ANKS1B: variants seen among roughly 807,000 people sequenced by gnomAD.
ANKS1B encodes the protein ankyrin repeat and sterile alpha motif domain containing 1B.
In ANKS1B, 36 loss-of-function variants were observed where a neutral mutation model predicts 148.3. That is an observed-to-expected ratio of 0.24 (90% confidence interval 0.19 to 0.32). The LOEUF (loss-of-function observed/expected upper bound fraction) is 0.32. Ranked by LOEUF, ANKS1B falls within the 10% of genes least tolerant of loss-of-function variation. ANKS1B has a pLI of 1.00. For missense variants in ANKS1B, 1,157 were observed against 1,542.6 expected (o/e 0.75, Z 4.19); for synonymous variants, 542 against 560.8 (o/e 0.97, Z 0.47).
In ANKS1B at chr12:99,320,695, T is replaced by C. The variant is rs187660305; in HGVS notation, c.1757-73831A>G. On this transcript the variant is annotated intron_variant, in intron 12 of 26. Transcript: ENST00000683438. ...ACTGATCATCTGAAGCCTTCTTCTC[T>C]CAACTCATCAAAGTCATTTTCCGTT... Among the ~76,000 whole-genome samples the C allele has an allele frequency of 4.0e-3, 610 of 152,326 alleles. 4 individuals are homozygous for C. Among genetic ancestry groups the C allele is most frequent in the African/African-American group, 0.014 (580 of 41,580 alleles).
intron 12 of ANKS1B, among the ~76,000 whole-genome samples, chr12:99,378,483 G>A (rs568430136): frequency 2.9e-4 from 44 of 151,868 alleles, no homozygotes; most frequent in African/African-American, 1.0e-3. Context: ...GTGAAACCCT[G>A]CCTCTACTAA....
At chr12:99,677,999 G>T (rs1427116952) in intron 8 of ANKS1B, among the ~76,000 whole-genome samples, 1 of 152,048 alleles carries the variant, frequency 6.6e-6, no homozygotes, top group African/African-American at 2.4e-5. Flanking sequence ...TCAGTTAAAA[G>T]ATACCCACTA....
At chr12:99,016,263 T>C (rs896527761) in intron 17 of ANKS1B, among the ~76,000 whole-genome samples, 7 of 152,216 alleles carry the variant, frequency 4.6e-5, no homozygotes, top group African/African-American at 1.7e-4. Flanking sequence ...ATGCCATTAT[T>C]TTTTTCTTCT....
chr12:98,968,281 A>G (rs2099880279), intron 17 of ANKS1B, among the ~76,000 whole-genome samples: 2 of 152,132 alleles, frequency 1.3e-5, no homozygotes, highest in Admixed American at 1.3e-4. Flanking sequence ...TAATTCGCAG[A>G]CCAGCACACG....
intron 12 of ANKS1B, among the ~76,000 whole-genome samples, chr12:99,366,892 G>A (rs936565938): frequency 1.3e-5 from 2 of 151,918 alleles, no homozygotes; most frequent in African/African-American, 2.4e-5. Context: ...CAAAATCAGA[G>A]GACAAATCAC....
In ANKS1B at chr12:98,817,501, C is replaced by T. The variant is rs117133310; in HGVS notation, c.3067-9583G>A. Among the ~76,000 whole-genome samples the T allele has an allele frequency of 4.8e-3, 726 of 152,306 alleles. 6 individuals carry two copies. The highest frequency in any genetic ancestry group is 9.8e-3 in the South Asian group (47 of 4,818). On this transcript the variant is annotated intron_variant, in intron 19 of 26. Coordinates refer to ENST00000683438, the MANE Select transcript of ANKS1B (RefSeq NM_001352186.2). ...TGTTTCTTGTGAGTTACCCAGAGGCCGCAGGCCAGCATCTGATTACTTCTT... is the reference window on the plus strand; with the variant it reads ...TGTTTCTTGTGAGTTACCCAGAGGCTGCAGGCCAGCATCTGATTACTTCTT...
chr12:99,645,508 C>T (rs2098353232), intron 9 of ANKS1B, among the ~76,000 whole-genome samples: 1 of 152,024 alleles, frequency 6.6e-6, no homozygotes, highest in South Asian at 2.1e-4. Context: ...CATTTCAAGG[C>T]TGAGAAAAAT....
At chr12:99,515,590 A>G (rs7298711) in intron 9 of ANKS1B, among the ~76,000 whole-genome samples, 22,006 of 151,864 alleles carry the variant, frequency 0.14, 3,896 homozygotes, top group African/African-American at 0.43. Flanking sequence ...GGACACTTAG[A>G]TTGCTTCCAA....
At chr12:99,126,415 G>C (rs1235113638) in intron 15 of ANKS1B, among the ~76,000 whole-genome samples, 3 of 152,108 alleles carry the variant, frequency 2.0e-5, no homozygotes, top group Non-Finnish European at 2.9e-5. Context: ...TTTAAGTCTA[G>C]TATTTCAATT....
chr12:99,532,797 T>C (rs1596477153), intron 9 of ANKS1B, among the ~76,000 whole-genome samples: 2 of 152,358 alleles, frequency 1.3e-5, no homozygotes, highest in Admixed American at 6.5e-5. Context: ...CCCCAGTGCA[T>C]GTTTTTGTCT....
chr12:99,196,040 A>G (rs991673611), intron 14 of ANKS1B, among the ~76,000 whole-genome samples: 3 of 152,130 alleles, frequency 2.0e-5, no homozygotes, highest in African/African-American at 7.2e-5. Flanking sequence ...TAATAATATG[A>G]TATTAAGTAA....
chr12:99,331,113 TTA>T (rs1805128715), intron 12 of ANKS1B, among the ~76,000 whole-genome samples: 1 of 152,016 alleles, frequency 6.6e-6, no homozygotes, highest in Non-Finnish European at 1.5e-5. Context: ...TTTATAAACT[TTA>T]TGATTATAAT....
At chr12:99,594,128 T>C (rs945551051) in intron 9 of ANKS1B, among the ~76,000 whole-genome samples, 4 of 152,086 alleles carry the variant, frequency 2.6e-5, no homozygotes, top group Non-Finnish European at 5.9e-5. Flanking sequence ...AGGGTTGTTA[T>C]AAAGACTAAA....
At chr12:98,826,810 G>C (rs935736030) in intron 19 of ANKS1B, among the ~76,000 whole-genome samples, 1 of 152,164 alleles carries the variant, frequency 6.6e-6, no homozygotes, top group Non-Finnish European at 1.5e-5. Context: ...CTGGCTGCTT[G>C]CTTGCAAAAA....
chr12:98,750,738 G>A (rs1273515624), intron 26 of ANKS1B, among the ~76,000 whole-genome samples: 2 of 152,224 alleles, frequency 1.3e-5, no homozygotes, highest in East Asian at 1.9e-4. Flanking sequence ...GGGACAGGAT[G>A]TCTGCAGAGC....
chr12:99,154,639 A>G (rs748392130), intron 14 of ANKS1B: 1 of 1,446,068 alleles, frequency 6.9e-7, no homozygotes, highest in Non-Finnish European at 9.1e-7. Context: ...TTACATATTA[A>G]TCTTTACTAC....
chr12:99,255,392 A>G (rs2075139217), intron 12 of ANKS1B, among the ~76,000 whole-genome samples: 1 of 151,992 alleles, frequency 6.6e-6, no homozygotes. Flanking sequence ...TTTGACTGGA[A>G]AGTGCATCCA....
chr12:99,761,127 A>G (rs1005078024), intron 8 of ANKS1B, among the ~76,000 whole-genome samples: 1 of 151,270 alleles, frequency 6.6e-6, no homozygotes, highest in Non-Finnish European at 1.5e-5. Context: ...CCAGACATAC[A>G]AAGAAGAGCT....
At chr12:99,161,892 A>G (rs572981379) in intron 14 of ANKS1B, among the ~76,000 whole-genome samples, 2 of 152,310 alleles carry the variant, frequency 1.3e-5, no homozygotes, top group South Asian at 2.1e-4. Flanking sequence ...CCCTGCTATA[A>G]CCACTGCCAT....
Sources: gnomAD v4.1 joint callset for allele counts (sites outside exome capture counted in the v4.1 genomes callset) on GRCh38, gnomAD v4.1.1 for gene constraint, MANE v1.5 for transcripts, NCBI Gene and HGNC (gene_info 2026-07-23, HGNC 2026-07-21) for gene names.